Variants in GNAQ observed in about 807,000 individuals in gnomAD.
GNAQ encodes G protein subunit alpha q.
GNAQ carries 8 observed loss-of-function variants against 43.9 expected under a neutral mutation model. That is an observed-to-expected ratio of 0.18 (90% CI 0.11 to 0.33). The LOEUF (loss-of-function observed/expected upper bound fraction) is 0.33, where lower values mean the gene tolerates loss of function less well. GNAQ is among the 10% of genes least tolerant of loss of function. The pLI, the probability that GNAQ is intolerant of heterozygous loss-of-function variation, is 1.00. For synonymous variants in GNAQ, 155 were observed against 170.7 expected, an observed-to-expected ratio of 0.91 and a Z score of 0.71; for missense variants, 158 against 450.8, an observed-to-expected ratio of 0.35 and a Z score of 5.88.
At chr9:77,850,356 C>T (rs1564129833) in intron 2 of GNAQ, among the ~76,000 whole-genome samples, 1 of 152,154 alleles carries the variant, frequency 6.6e-6, no homozygotes, top group Non-Finnish European at 1.5e-5. Flanking sequence ...CAGTCTCCTC[C>T]ATCTCTCTCT....
rs571222862 is a variant in GNAQ at position 77,718,056 on chromosome 9, T to A, written c.*3267A>T. 8.6e-6 allele frequency: 2 copies of A among 232,802 alleles called. No individual in the cohort carries two copies. The highest frequency in any genetic ancestry group is 4.4e-5 in the African/African-American group (2 of 45,418). 14.4% of individuals were successfully genotyped at this position (232,802 alleles called of 1,614,324 possible). On this transcript the variant is annotated 3_prime_UTR_variant, in exon 7 of 7. Transcript: ENST00000286548. The stretch of plus-strand genomic sequence containing the variant: ...GCCATGTCACGCAAAAAGGGAAAAA[T>A]CATCTGTAAACTGGTACACTGCAAT...
intron 2 of GNAQ, among the ~76,000 whole-genome samples, chr9:77,835,148 CTT>C (rs1827363283): frequency 1.3e-5 from 2 of 152,144 alleles, no homozygotes; most frequent in South Asian, 4.1e-4. Flanking sequence ...TAGGGCAAGA[CTT>C]TATCACAATA....
At chr9:77,909,715 T>C (rs1377869289) in intron 2 of GNAQ, among the ~76,000 whole-genome samples, 1 of 150,956 alleles carries the variant, frequency 6.6e-6, no homozygotes, top group African/African-American at 2.4e-5. Flanking sequence ...TGCATATGCA[T>C]CTTACAAAGT....
intron 1 of GNAQ, among the ~76,000 whole-genome samples, chr9:77,992,728 T>A (rs1334662407): frequency 6.6e-6 from 1 of 152,106 alleles, no homozygotes; most frequent in Non-Finnish European, 1.5e-5. Context: ...GTGGATCACC[T>A]GAGGTCAAGA....
intron 1 of GNAQ, among the ~76,000 whole-genome samples, chr9:77,943,503 G>A (rs1219450260): frequency 1.3e-5 from 2 of 152,040 alleles, no homozygotes; most frequent in Non-Finnish European, 2.9e-5. Context: ...ATTTACAAGA[G>A]TCAGACTGGA....
At chr9:77,849,953 T>G (rs1333873259) in intron 2 of GNAQ, among the ~76,000 whole-genome samples, 1 of 152,172 alleles carries the variant, frequency 6.6e-6, no homozygotes, top group African/African-American at 2.4e-5. Context: ...TTGACAGTAT[T>G]TGATAATGCT....
intron 3 of GNAQ, among the ~76,000 whole-genome samples, chr9:77,804,055 T>G (rs1826787428): frequency 2.0e-5 from 3 of 152,236 alleles, no homozygotes; most frequent in African/African-American, 7.2e-5. Context: ...ACTTTCTCTC[T>G]TATGTTTTAA....
At chr9:77,859,623 C>T (rs1468966558) in intron 2 of GNAQ, among the ~76,000 whole-genome samples, 1 of 152,144 alleles carries the variant, frequency 6.6e-6, no homozygotes, top group Non-Finnish European at 1.5e-5. Context: ...CCATAAGACC[C>T]GGAGTTGTAA....
chr9:77,891,639 G>A (rs975038109), intron 2 of GNAQ, among the ~76,000 whole-genome samples: 1 of 152,092 alleles, frequency 6.6e-6, no homozygotes, highest in African/African-American at 2.4e-5. Context: ...CCCACTCACT[G>A]CCCCCAAGTA....
intron 5 of GNAQ, among the ~76,000 whole-genome samples, chr9:77,730,677 T>G (rs1206135391): frequency 6.6e-6 from 1 of 152,164 alleles, no homozygotes; most frequent in East Asian, 1.9e-4. Flanking sequence ...CAAAAGACAG[T>G]GTTTATCTCA....
At chr9:77,812,453 T>G (rs1305424278) in intron 3 of GNAQ, among the ~76,000 whole-genome samples, 1 of 152,208 alleles carries the variant, frequency 6.6e-6, no homozygotes, top group Non-Finnish European at 1.5e-5. Flanking sequence ...ACTTCTAGTT[T>G]AGAGTAAATC....
intron 2 of GNAQ, among the ~76,000 whole-genome samples, chr9:77,912,901 T>G (rs1245353503): frequency 1.3e-5 from 2 of 152,126 alleles, no homozygotes; most frequent in Non-Finnish European, 2.9e-5. Context: ...TAATCCCAGC[T>G]GTGGTGAAAG....
At chr9:77,754,335 T>TTA (rs1825864787) in intron 5 of GNAQ, among the ~76,000 whole-genome samples, 2 of 152,162 alleles carry the variant, frequency 1.3e-5, no homozygotes, top group African/African-American at 4.8e-5. Flanking sequence ...AATACCCTGT[T>TTA]CACTAGCATC....
chr9:77,793,445 A>G (rs1305334565), intron 5 of GNAQ, among the ~76,000 whole-genome samples: 1 of 152,144 alleles, frequency 6.6e-6, no homozygotes, highest in Non-Finnish European at 1.5e-5. Context: ...AGGAGCTTGG[A>G]TATGTATTTT....
chr9:77,920,226 C>T lies in GNAQ; in HGVS notation c.321+1935G>A, dbSNP rs2118268024. ...CATGAATAAGGCATAAATTCCACCCCATCTTTAACATCTACATGACTGTAT... is the reference window on the plus strand; with the variant it reads ...CATGAATAAGGCATAAATTCCACCCTATCTTTAACATCTACATGACTGTAT... On this transcript the variant is annotated intron_variant, in intron 2 of 6. Coordinates refer to ENST00000286548, the MANE Select transcript of GNAQ (RefSeq NM_002072.5). Among the ~76,000 whole-genome samples the T allele has an allele frequency of 1.3e-5, 2 of 152,176 alleles. 1 individual carries two copies. The highest frequency in any genetic ancestry group is 6.8e-3 in the Middle Eastern group (2 of 294).
chr9:77,943,245 G>C (rs1042988893), intron 1 of GNAQ, among the ~76,000 whole-genome samples: 7 of 152,176 alleles, frequency 4.6e-5, no homozygotes, highest in African/African-American at 1.7e-4. Flanking sequence ...TGGTTCCTGA[G>C]TCAAATTTGA....
At chr9:77,973,723 C>A (rs1278252823) in intron 1 of GNAQ, among the ~76,000 whole-genome samples, 1 of 152,060 alleles carries the variant, frequency 6.6e-6, no homozygotes, top group Non-Finnish European at 1.5e-5. Context: ...GAGCCTGAGG[C>A]AGGAGAATCG....
intron 2 of GNAQ, among the ~76,000 whole-genome samples, chr9:77,869,047 C>T (rs1164541513): frequency 6.6e-6 from 1 of 152,104 alleles, no homozygotes; most frequent in African/African-American, 2.4e-5. Context: ...TATTTAGGGA[C>T]TCAGTCAATA....
intron 5 of GNAQ, among the ~76,000 whole-genome samples, chr9:77,787,556 C>G (rs1826500986): frequency 6.6e-6 from 1 of 152,150 alleles, no homozygotes; most frequent in African/African-American, 2.4e-5. Flanking sequence ...TCCTTACTTC[C>G]TACCATGCAC....
Sources: gnomAD v4.1 joint callset for allele counts (sites outside exome capture counted in the v4.1 genomes callset) on GRCh38, gnomAD v4.1.1 for gene constraint, MANE v1.5 for transcripts, NCBI Gene and HGNC (gene_info 2026-07-23, HGNC 2026-07-21) for gene names.